Variants in SPICE1 observed in about 807,000 individuals in gnomAD.
The protein encoded by SPICE1 is spindle and centriole-associated protein 1.
A neutral mutation model predicts 102.7 loss-of-function variants in SPICE1; 75 were observed. The ratio of observed to expected loss-of-function variants is 0.73; its 90% CI spans 0.61 to 0.88. The LOEUF (loss-of-function observed/expected upper bound fraction) is 0.88. Ranked by LOEUF, SPICE1 falls within the 40% of genes least tolerant of loss-of-function variation. The pLI is 0.00. For missense variants in SPICE1, 979 were observed against 1,020.1 expected (o/e 0.96, Z 0.55); for synonymous variants, 308 against 350.3 (o/e 0.88, Z 1.35).
chr3:113,511,672 T>C (rs1301547138), intron 1 of SPICE1, among the ~76,000 whole-genome samples: 1 of 152,128 alleles, frequency 6.6e-6, no homozygotes, highest in African/African-American at 2.4e-5. Context: ...CTAGATTTAA[T>C]ACCTAGGTGA....
At position 113,450,366 on chromosome 3, in the gene SPICE1, G is replaced by A. The variant is rs148514023; in HGVS notation, c.2293C>T (p.Pro765Ser). 1.1e-4 allele frequency: 184 copies of A among 1,613,946 alleles called. No homozygotes were observed. The South Asian group carries it at 1.2e-3, about 10-fold the overall frequency. Residue 765 changes from proline to serine, a missense_variant, in exon 15 of 18, where the codon CCT becomes TCT. Coordinates refer to ENST00000295872, the MANE Select transcript of SPICE1 (RefSeq NM_144718.4). ...VGLNLSPPMS[P>S]VQLPLRAWTE... ...CATGCTCTGAGAGGTAACTGAACAG[G>A]TGACATTGGTGGAGAAAGATTCAAA... is the stretch of plus-strand genomic sequence containing the variant.
Position 113,465,675 on chromosome 3 carries a change from C to G in SPICE1, c.1265G>C (p.Arg422Thr). ...TACCTGTGTAGCAGCGTTTTCTTCT[C>G]TAAGACGAAGAATTTCAGCTGTCAG... ...DALTAEILRL[R>T]EENAATQARL... The change falls in exon 11 of 18, where the codon AGA becomes ACA. Residue 422 changes from arginine to threonine, a missense_variant. Transcript: ENST00000295872. The G allele has an allele frequency of 6.2e-7, 1 of 1,613,748 alleles. No individual in the cohort carries two copies. The highest frequency in any genetic ancestry group is 8.5e-7 in the Non-Finnish European group (1 of 1,179,838).
chr3:113,475,598 G>A (rs975167926), intron 7 of SPICE1, among the ~76,000 whole-genome samples: 5 of 152,062 alleles, frequency 3.3e-5, no homozygotes, highest in Admixed American at 3.3e-4. Context: ...GATCAAGTGG[G>A]CTTCATCCCT....
chr3:113,460,422 A>AGAC (rs1935903318), intron 12 of SPICE1, 195 bp downstream of exon 12: 1 of 969,688 alleles, frequency 1.0e-6, no homozygotes, highest in South Asian at 4.8e-5. Flanking sequence ...TATGCATGTA[A>AGAC]GACTTAACAA....
intron 7 of SPICE1, among the ~76,000 whole-genome samples, chr3:113,474,124 AG>A (rs1268832268): frequency 9.2e-5 from 14 of 151,676 alleles, no homozygotes; most frequent in African/African-American, 3.4e-4. Context: ...AAAAAAAGGC[AG>A]GGGTTGCAAT....
At chr3:113,500,883 T>G (rs1936995132) in intron 3 of SPICE1, among the ~76,000 whole-genome samples, 1 of 152,112 alleles carries the variant, frequency 6.6e-6, no homozygotes, top group East Asian at 1.9e-4. Flanking sequence ...ATCTGCCCAT[T>G]GAGATTGGGC....
chr3:113,479,069 C>T (rs924030862), intron 7 of SPICE1, among the ~76,000 whole-genome samples: 3 of 151,262 alleles, frequency 2.0e-5, no homozygotes, highest in Non-Finnish European at 2.9e-5. Flanking sequence ...TGGTGTGCTG[C>T]ACCCATTAAC....
At position 113,465,556 on chromosome 3, in the gene SPICE1, TAC is replaced by T. The variant is rs1175870786; in HGVS notation, c.1287+95_1287+96del. The T allele has an allele frequency of 3.8e-6, 4 of 1,055,260 alleles. No individual in the cohort carries two copies. In the African/African-American group the frequency reaches 6.4e-5, roughly 17 times the overall value. The allele number at this position is 1,055,260 out of a possible 1,614,324, so 65.4% of individuals were successfully genotyped here. ...AATGACTGATAAGTAATCACATCGA[TAC>T]AGTTAAACCAAAAGCAACTCTAAGA... On this transcript the variant is annotated intron_variant, in intron 11 of 17. Coordinates refer to ENST00000295872, the MANE Select transcript of SPICE1 (RefSeq NM_144718.4).
At chr3:113,502,686 C>T (rs796625100) in intron 3 of SPICE1, among the ~76,000 whole-genome samples, 6 of 119,304 alleles carry the variant, frequency 5.0e-5, no homozygotes, top group African/African-American at 2.0e-4. Flanking sequence ...AAAAAAAAAC[C>T]TAAGTGGAAA....
At chr3:113,446,556 A>G (rs770259599) in intron 17 of SPICE1, 33 bp downstream of exon 17, 2 of 1,507,284 alleles carry the variant, frequency 1.3e-6, no homozygotes, top group African/African-American at 1.4e-5. Flanking sequence ...CCTCACCCCT[A>G]TATGCATTTC....
At chr3:113,499,901 A>T (rs1038784589) in intron 3 of SPICE1, among the ~76,000 whole-genome samples, 1 of 152,214 alleles carries the variant, frequency 6.6e-6, no homozygotes, top group African/African-American at 2.4e-5. Context: ...TTAATGGATG[A>T]TAAAATCAAT....
chr3:113,465,895 G>A, intron 10 of SPICE1, 111 bp from the exon 11 acceptor site: 1 of 964,178 alleles, frequency 1.0e-6, no homozygotes, highest in Non-Finnish European at 1.5e-6. Flanking sequence ...TATATTATGT[G>A]ACAGTAATGA....
intron 4 of SPICE1, chr3:113,498,913 C>G (rs560860097): frequency 8.5e-5 from 13 of 152,478 alleles, no homozygotes; most frequent in African/African-American, 3.1e-4. Flanking sequence ...AAGCCAAAGA[C>G]AAGTTGCTTA....
chr3:113,443,167 C>T lies in SPICE1; in HGVS notation c.*2140G>A, dbSNP rs1056799311. On this transcript the variant is annotated 3_prime_UTR_variant, in exon 18 of 18. Transcript: ENST00000295872. The stretch of plus-strand genomic sequence containing the variant: ...GTTGTGAGCCAAGCTCTGATCTCAG[C>T]CCATTTACATACACTTGCCTCACTT... 6.6e-6 allele frequency: 1 copy of T among 152,122 alleles called. No homozygotes were observed. The highest frequency in any genetic ancestry group is 6.5e-5 in the Admixed American group (1 of 15,272). 9.4% of individuals were successfully genotyped at this position (152,122 alleles called of 1,614,324 possible).
chr3:113,467,338 C>A (rs528341264), intron 10 of SPICE1, among the ~76,000 whole-genome samples: 4 of 152,334 alleles, frequency 2.6e-5, no homozygotes, highest in African/African-American at 9.6e-5. Context: ...GCCGCCCAGG[C>A]TGGAGTGCAG....
intron 13 of SPICE1, 125 bp from the exon 14 acceptor site, chr3:113,454,075 T>C (rs1013833471): frequency 4.5e-5 from 39 of 870,456 alleles, no homozygotes; most frequent in African/African-American, 8.5e-5. Context: ...GGCTTCTGAA[T>C]GCTTAAACTA....
intron 4 of SPICE1, among the ~76,000 whole-genome samples, chr3:113,494,966 T>C (rs1936851302): frequency 6.6e-6 from 1 of 152,220 alleles, no homozygotes; most frequent in Non-Finnish European, 1.5e-5. Flanking sequence ...AATCCACTAA[T>C]GTGTCAAGTC....
chr3:113,443,786 C>T lies in SPICE1; in HGVS notation c.*1521G>A, dbSNP rs1935449935. On this transcript the variant is annotated 3_prime_UTR_variant, in exon 18 of 18. Coordinates refer to ENST00000295872, the MANE Select transcript of SPICE1 (RefSeq NM_144718.4). ...CCTCCTTGTACCTCAGTTTCCTCAT[C>T]TGCAAAATGAGGATAATAGTACCTA... The T allele has an allele frequency of 2.0e-5, 3 of 152,198 alleles. No homozygotes were observed. The highest frequency in any genetic ancestry group is 4.4e-5 in the Non-Finnish European group (3 of 68,044). The allele number at this position is 152,198 out of a possible 1,614,324, so 9.4% of individuals were successfully genotyped here.
At position 113,465,668 on chromosome 3, in the gene SPICE1, T is replaced by G; in HGVS notation, c.1272A>C (p.Glu424Asp). Residue 424 changes from glutamate to aspartate, a missense_variant, in exon 11 of 18, where the codon GAA becomes GAC. Transcript: ENST00000295872. ...LTAEILRLREENAATQARLQQ... is the reference protein window; with the variant it reads ...LTAEILRLREDNAATQARLQQ... Reference sequence around the variant, plus strand: ...ATCTGAGTACCTGTGTAGCAGCGTTTTCTTCTCTAAGACGAAGAATTTCAG... The same window carrying G: ...ATCTGAGTACCTGTGTAGCAGCGTTGTCTTCTCTAAGACGAAGAATTTCAG... The G allele has an allele frequency of 6.2e-7, 1 of 1,613,736 alleles. No homozygotes were observed. Among genetic ancestry groups the G allele is most frequent in the South Asian group, 1.1e-5 (1 of 90,980 alleles).
Sources: allele counts gnomAD v4.1 joint callset (sites outside exome capture counted in the v4.1 genomes callset), GRCh38; gene constraint gnomAD v4.1.1; transcripts MANE v1.5; gene names NCBI Gene and HGNC (gene_info 2026-07-23, HGNC 2026-07-21).